The following ARHGAP42 variants were observed in gnomAD, a reference collection of about 807,000 sequenced individuals.
ARHGAP42 encodes the protein Rho GTPase activating protein 42.
ARHGAP42 carries 63 observed loss-of-function variants against 125.0 expected under a neutral mutation model. That is an observed-to-expected ratio of 0.50 (90% CI 0.41 to 0.62). ARHGAP42 has a LOEUF of 0.62. Ranked by LOEUF, ARHGAP42 falls within the 20% of genes least tolerant of loss-of-function variation. ARHGAP42 has a pLI of 0.00. For missense variants in ARHGAP42, 766 were observed against 1,024.2 expected (o/e 0.75, Z 3.44); for synonymous variants, 339 against 351.0 (o/e 0.97, Z 0.38).
intron 3 of ARHGAP42, among the ~76,000 whole-genome samples, chr11:100,822,608 A>G (rs928169273): frequency 2.0e-5 from 3 of 152,144 alleles, no homozygotes; most frequent in African/African-American, 7.2e-5. Context: ...CACTGTTTGT[A>G]GACTACAGTG....
intron 4 of ARHGAP42, among the ~76,000 whole-genome samples, chr11:100,883,954 A>G (rs1378157709): frequency 1.3e-5 from 2 of 152,214 alleles, no homozygotes; most frequent in Non-Finnish European, 2.9e-5. Context: ...GAGCAATTCA[A>G]TGCTAGAATT....
At chr11:100,790,626 C>T (rs1326873947) in intron 2 of ARHGAP42, among the ~76,000 whole-genome samples, 1 of 152,020 alleles carries the variant, frequency 6.6e-6, no homozygotes, top group Admixed American at 6.6e-5. Flanking sequence ...TTTCATGAAT[C>T]CTAGAATAAG....
intron 3 of ARHGAP42, among the ~76,000 whole-genome samples, chr11:100,810,960 T>C (rs1864125084): frequency 6.6e-6 from 1 of 152,148 alleles, no homozygotes; most frequent in African/African-American, 2.4e-5. Context: ...TTATTTTATT[T>C]ATTTTGGTGG....
intron 1 of ARHGAP42, among the ~76,000 whole-genome samples, chr11:100,709,432 A>C (rs1861527034): frequency 6.6e-6 from 1 of 152,180 alleles, no homozygotes; most frequent in African/African-American, 2.4e-5. Flanking sequence ...CAGCATGGAG[A>C]AGCTGGACAG....
chr11:100,702,904 C>T (rs551124714), intron 1 of ARHGAP42, among the ~76,000 whole-genome samples: 8 of 151,828 alleles, frequency 5.3e-5, no homozygotes, highest in Admixed American at 6.6e-5. Context: ...TCAGGTGATC[C>T]GCCCACCTCG....
chr11:100,972,516 TTGGATGGA>T (rs111816630), intron 17 of ARHGAP42, among the ~76,000 whole-genome samples: 5 of 150,168 alleles, frequency 3.3e-5, no homozygotes, highest in East Asian at 2.0e-4. Flanking sequence ...CAGGGAAGTT[TTGGATGGA>T]TGGATGGATG....
At chr11:100,932,487 G>A (rs542765831) in intron 6 of ARHGAP42, among the ~76,000 whole-genome samples, 20 of 152,088 alleles carry the variant, frequency 1.3e-4, no homozygotes, top group African/African-American at 4.6e-4. Flanking sequence ...TTAATTTATG[G>A]ATAAAAACAT....
rs973634107 is a variant in ARHGAP42, at chr11:100,958,536, T to C, written c.1163-1347T>C. ...CTAAACACATACACACACACACATA[T>C]ATATACACACATATATATATATTTT... On this transcript the variant is annotated intron_variant, in intron 12 of 23. Transcript: ENST00000298815. Among the ~76,000 whole-genome samples the C allele has an allele frequency of 6.6e-5, 10 of 152,066 alleles. No homozygotes were observed. The East Asian group carries it at 1.7e-3, about 26-fold the overall frequency.
chr11:100,741,383 A>G (rs1862183525), intron 1 of ARHGAP42, among the ~76,000 whole-genome samples: 2 of 152,202 alleles, frequency 1.3e-5, no homozygotes, highest in East Asian at 1.9e-4. Context: ...TGAAGCCACA[A>G]GACACATCTC....
chr11:100,851,881 C>A (rs554487391), intron 3 of ARHGAP42, among the ~76,000 whole-genome samples: 1 of 152,216 alleles, frequency 6.6e-6, no homozygotes, highest in Admixed American at 6.5e-5. Flanking sequence ...TGTGAGAAAT[C>A]TGATTGGTAG....
intron 1 of ARHGAP42, among the ~76,000 whole-genome samples, chr11:100,748,220 C>T (rs1024696947): frequency 2.0e-5 from 3 of 152,220 alleles, no homozygotes; most frequent in Non-Finnish European, 4.4e-5. Flanking sequence ...GTACAGATGG[C>T]TCCTTCCTGA....
chr11:100,983,501 C>A (rs1392407960), intron 22 of ARHGAP42, among the ~76,000 whole-genome samples: 6 of 152,140 alleles, frequency 3.9e-5, no homozygotes, highest in Non-Finnish European at 7.4e-5. Context: ...CTGTGATAAA[C>A]ACACAGAAAA....
intron 13 of ARHGAP42, among the ~76,000 whole-genome samples, 157 bp from the exon 14 acceptor site, chr11:100,960,758 G>C (rs1207429020): frequency 1.3e-5 from 2 of 152,104 alleles, no homozygotes; most frequent in African/African-American, 4.8e-5. Context: ...AGAAATAGAA[G>C]TCTGATGGGT....
intron 3 of ARHGAP42, among the ~76,000 whole-genome samples, chr11:100,813,244 A>C (rs1245931093): frequency 6.6e-6 from 1 of 152,142 alleles, no homozygotes; most frequent in Non-Finnish European, 1.5e-5. Flanking sequence ...GCATTGTAGG[A>C]TGTTTAGCAA....
chr11:100,754,286 G>C (rs1862525384), intron 1 of ARHGAP42, among the ~76,000 whole-genome samples: 1 of 152,172 alleles, frequency 6.6e-6, no homozygotes, highest in Non-Finnish European at 1.5e-5. Flanking sequence ...GATTGTGGAG[G>C]AACATTAAAG....
At chr11:100,913,916 C>G (rs1866995062) in intron 5 of ARHGAP42, among the ~76,000 whole-genome samples, 1 of 152,096 alleles carries the variant, frequency 6.6e-6, no homozygotes, top group African/African-American at 2.4e-5. Flanking sequence ...AAGATAGATA[C>G]ACAGCTACAC....
In ARHGAP42 at chr11:100,797,046, C is replaced by T. The variant is rs577944537; in HGVS notation, c.312+1880C>T. ...CCTCCCAAAATGCTGGGATTACAGGCGTGAGCCACTGCATCCAGCCCAACT... is the reference window on the plus strand; with the variant it reads ...CCTCCCAAAATGCTGGGATTACAGGTGTGAGCCACTGCATCCAGCCCAACT... On this transcript the variant is annotated intron_variant, in intron 3 of 23. Transcript: ENST00000298815. Among the ~76,000 whole-genome samples the T allele has an allele frequency of 6.9e-4, 105 of 152,270 alleles. No individual in the cohort carries two copies. The South Asian group carries it at 0.011, about 16-fold the overall frequency.
Position 100,922,665 on chromosome 11 carries a change from G to C in ARHGAP42, c.597+1061G>C, listed in dbSNP as rs1225019558. 5.9e-5 allele frequency among the ~76,000 whole-genome samples: 9 copies of C among 152,320 alleles called. No individual in the cohort carries two copies. The East Asian group carries it at 7.7e-4, about 13-fold the overall frequency. ...AGTGGATATGATAAGGAGAGGGAAAGGAAGGCAACATTATAAAATACATTT... is the reference window on the plus strand; with the variant it reads ...AGTGGATATGATAAGGAGAGGGAAACGAAGGCAACATTATAAAATACATTT... On this transcript the variant is annotated intron_variant, in intron 6 of 23. Transcript: ENST00000298815.
At chr11:100,867,330 T>C (rs1941368) in intron 4 of ARHGAP42, among the ~76,000 whole-genome samples, 42,664 of 152,156 alleles carry the variant, frequency 0.28, 6,165 homozygotes, top group Non-Finnish European at 0.32. Flanking sequence ...TTTGTCTACA[T>C]TGACAATCTG....
Sources: allele counts gnomAD v4.1 joint callset (sites outside exome capture counted in the v4.1 genomes callset), GRCh38; gene constraint gnomAD v4.1.1; transcripts MANE v1.5; gene names NCBI Gene and HGNC (gene_info 2026-07-23, HGNC 2026-07-21).